The following CAMK1D variants were observed in gnomAD, a reference collection of about 807,000 sequenced individuals.
The protein encoded by CAMK1D is calcium/calmodulin-dependent protein kinase type 1D.
CAMK1D carries 9 observed loss-of-function variants against 47.7 expected under a neutral mutation model. The ratio of observed to expected loss-of-function variants is 0.19; its 90% CI spans 0.11 to 0.33. CAMK1D has a LOEUF of 0.33. CAMK1D is among the 10% of genes least tolerant of loss of function. The pLI is 1.00. For missense variants in CAMK1D, 291 were observed against 488.7 expected (o/e 0.60, Z 3.81); for synonymous variants, 184 against 184.9 (o/e 0.99, Z 0.04).
At chr10:12,354,000 A>G (rs148359913) in intron 1 of CAMK1D, among the ~76,000 whole-genome samples, 14 of 152,258 alleles carry the variant, frequency 9.2e-5, no homozygotes, top group African/African-American at 3.1e-4. Flanking sequence ...TGTGGTGTCT[A>G]GGAAGCACCC....
intron 2 of CAMK1D, among the ~76,000 whole-genome samples, chr10:12,631,375 A>G (rs1021494371): frequency 6.6e-6 from 1 of 152,222 alleles, no homozygotes; most frequent in Non-Finnish European, 1.5e-5. Context: ...CTCCGCCCAT[A>G]GTGCATGCCA....
At position 12,609,908 on chromosome 10, in the gene CAMK1D, T is replaced by C. The variant is rs560039678; in HGVS notation, c.224+56552T>C. On this transcript the variant is annotated intron_variant, in intron 2 of 10. Transcript: ENST00000619168. ...ATCAGCTCTCAAACATCCTGGAGAG[T>C]TGAAGAAAAATAGAGACTAAAAATT... Among the ~76,000 whole-genome samples the C allele has an allele frequency of 2.3e-4, 35 of 151,934 alleles. No homozygotes were observed. The South Asian group carries it at 7.3e-3, about 32-fold the overall frequency.
chr10:12,748,196 T>A (rs906638301), intron 3 of CAMK1D, among the ~76,000 whole-genome samples: 1 of 152,198 alleles, frequency 6.6e-6, no homozygotes, highest in Non-Finnish European at 1.5e-5. Flanking sequence ...GTTCTTTTTG[T>A]TAAAAGTTGT....
At chr10:12,686,106 AT>A (rs1438226006) in intron 3 of CAMK1D, among the ~76,000 whole-genome samples, 5 of 152,030 alleles carry the variant, frequency 3.3e-5, no homozygotes, top group Non-Finnish European at 5.9e-5. Flanking sequence ...GCAGGGGTTC[AT>A]TTTCTTTCTA....
intron 1 of CAMK1D, among the ~76,000 whole-genome samples, chr10:12,414,441 T>C (rs1342875698): frequency 6.6e-6 from 1 of 152,200 alleles, no homozygotes; most frequent in Non-Finnish European, 1.5e-5. Context: ...GGGAGAGTGG[T>C]TGGCTGGGAG....
At chr10:12,363,753 C>G (rs1186731977) in intron 1 of CAMK1D, among the ~76,000 whole-genome samples, 2 of 150,836 alleles carry the variant, frequency 1.3e-5, no homozygotes, top group Non-Finnish European at 2.9e-5. Flanking sequence ...ACTGCAGCCT[C>G]CACCTCCCAG....
chr10:12,797,491 GC>G (rs1838247202), intron 6 of CAMK1D, among the ~76,000 whole-genome samples: 1 of 151,962 alleles, frequency 6.6e-6, no homozygotes, highest in South Asian at 2.1e-4. Context: ...ACAGGTATGA[GC>G]CACAGTGCCC....
At chr10:12,675,488 T>C (rs1840775699) in intron 3 of CAMK1D, among the ~76,000 whole-genome samples, 1 of 152,224 alleles carries the variant, frequency 6.6e-6, no homozygotes, top group African/African-American at 2.4e-5. Flanking sequence ...GGAGTCATCC[T>C]TGACTTATCC....
At chr10:12,784,396 C>T (rs1837628651) in intron 5 of CAMK1D, among the ~76,000 whole-genome samples, 1 of 152,070 alleles carries the variant, frequency 6.6e-6, no homozygotes, top group African/African-American at 2.4e-5. Flanking sequence ...CGGGGTTTCA[C>T]CTTGTTGGTC....
chr10:12,672,359 A>G (rs1840651043), intron 3 of CAMK1D, among the ~76,000 whole-genome samples: 1 of 151,786 alleles, frequency 6.6e-6, no homozygotes, highest in South Asian at 2.1e-4. Flanking sequence ...TGGACGTTAC[A>G]TAATTTTAGC....
rs948589070 is a variant in CAMK1D at position 12,787,895 on chromosome 10, G to C, written c.566-3263G>C. On this transcript the variant is annotated intron_variant, in intron 5 of 10. Coordinates refer to ENST00000619168, the MANE Select transcript of CAMK1D (RefSeq NM_153498.4). ...CACGCCTGTAATCCCAGCTATCTGG[G>C]AGGCTGAGGCAGGAGAATGGCTTGA... 2.4e-4 allele frequency among the ~76,000 whole-genome samples: 36 copies of C among 152,172 alleles called. 1 individual carries two copies. Among genetic ancestry groups the C allele is most frequent in the African/African-American group, 8.4e-4 (35 of 41,438 alleles).
At chr10:12,778,283 G>A (rs1042160057) in intron 5 of CAMK1D, among the ~76,000 whole-genome samples, 8 of 152,200 alleles carry the variant, frequency 5.3e-5, no homozygotes, top group Non-Finnish European at 1.0e-4. Flanking sequence ...TTTTCCCCAA[G>A]TATCCCAATG....
At chr10:12,682,995 C>T (rs1468479963) in intron 3 of CAMK1D, among the ~76,000 whole-genome samples, 1 of 151,592 alleles carries the variant, frequency 6.6e-6, no homozygotes, top group African/African-American at 2.4e-5. Flanking sequence ...AATCTCGGCT[C>T]ACTGCAACCT....
intron 3 of CAMK1D, among the ~76,000 whole-genome samples, chr10:12,671,572 T>C (rs1284012279): frequency 2.0e-5 from 3 of 151,992 alleles, no homozygotes; most frequent in Non-Finnish European, 4.4e-5. Context: ...TCTTTTCCCA[T>C]GTTAGCCACT....
chr10:12,742,803 C>T (rs1184047999), intron 3 of CAMK1D, among the ~76,000 whole-genome samples: 1 of 151,786 alleles, frequency 6.6e-6, no homozygotes, highest in African/African-American at 2.4e-5. Context: ...GTGGTTTATT[C>T]CCCGAGGTCG....
At chr10:12,387,786 G>T (rs1347493224) in intron 1 of CAMK1D, among the ~76,000 whole-genome samples, 1 of 151,886 alleles carries the variant, frequency 6.6e-6, no homozygotes, top group Non-Finnish European at 1.5e-5. Flanking sequence ...TACCGTACCT[G>T]GCCTGTGTGT....
chr10:12,820,796 C>A (rs1832987780), intron 8 of CAMK1D, among the ~76,000 whole-genome samples: 1 of 152,254 alleles, frequency 6.6e-6, no homozygotes, highest in Non-Finnish European at 1.5e-5. Context: ...GCCCCTTTCA[C>A]TGAGCATTGC....
rs1023531454 is a variant in CAMK1D at position 12,614,132 on chromosome 10, G to T, written c.225-52604G>T. 2.0e-5 allele frequency among the ~76,000 whole-genome samples: 3 copies of T among 152,186 alleles called. No homozygotes were observed. The East Asian group carries it at 5.8e-4, about 29-fold the overall frequency. On this transcript the variant is annotated intron_variant, in intron 2 of 10. Coordinates refer to ENST00000619168, the MANE Select transcript of CAMK1D (RefSeq NM_153498.4). ...CTCACACCAGATTTTCTGCTTTGTA[G>T]CTCCTGTCACCTAGAGCACTGGACC...
intron 5 of CAMK1D, among the ~76,000 whole-genome samples, chr10:12,788,688 G>A (rs935047733): frequency 6.6e-6 from 1 of 152,232 alleles, no homozygotes; most frequent in Non-Finnish European, 1.5e-5. Context: ...GACATTAACT[G>A]TGGTAAATGT....
Sources: gnomAD v4.1 joint callset for allele counts (sites outside exome capture counted in the v4.1 genomes callset) on GRCh38, gnomAD v4.1.1 for gene constraint, MANE v1.5 for transcripts, NCBI Gene and HGNC (gene_info 2026-07-23, HGNC 2026-07-21) for gene names.